The following SLC2A4RG variants were observed in gnomAD, a reference collection of about 807,000 sequenced individuals.
SLC2A4RG encodes the protein SLC2A4 regulator.
A neutral mutation model predicts 35.5 loss-of-function variants in SLC2A4RG; 23 were observed. That is an observed-to-expected ratio of 0.65 (90% CI 0.47 to 0.92). SLC2A4RG has a LOEUF of 0.92. Among genes scored for constraint, SLC2A4RG ranks in the 40% least tolerant of loss-of-function variants. The pLI is 0.00. For synonymous variants in SLC2A4RG, 306 were observed against 243.7 expected (o/e 1.26, Z -2.38); for missense variants, 539 against 525.0 (o/e 1.03, Z -0.26).
intron 2 of SLC2A4RG, 39 bp downstream of exon 2, chr20:63,740,570 C>T: frequency 1.6e-6 from 2 of 1,227,674 alleles, no homozygotes; most frequent in Non-Finnish European, 2.0e-6. Context: ...TCGGTGTGCG[C>T]AGGGGCGGTG....
chr20:63,743,009 C>A lies in SLC2A4RG; in HGVS notation c.*19C>A. On this transcript the variant is annotated 3_prime_UTR_variant, in exon 8 of 8. Coordinates refer to ENST00000266077, the MANE Select transcript of SLC2A4RG (RefSeq NM_020062.4). ...GGACTAAGTCCGGCTCGTTCAAGAA[C>A]ATAAGCTACCACCTTCTCCCTCCCC... is the stretch of plus-strand genomic sequence containing the variant. 1.3e-6 allele frequency: 2 copies of A among 1,580,300 alleles called. No individual in the cohort carries two copies. The highest frequency in any genetic ancestry group is 1.7e-6 in the Non-Finnish European group (2 of 1,160,180).
Position 63,742,967 on chromosome 20 carries a change from G to A in SLC2A4RG, c.1141G>A (p.Ala381Thr), listed in dbSNP as rs201688487. ...LWCTACRWKK[A>T]CQRFLD is the part of the protein sequence containing the mutation. ...GTGCACAGCCTGCCGCTGGAAGAAA[G>A]CCTGCCAGCGGTTCCTGGACTAAGT... The change falls in exon 8 of 8, where the codon GCC (alanine) becomes ACC (threonine). Residue 381 changes from alanine (A) to threonine (T), a missense_variant. Physicochemically the swap from Ala to Thr is moderately conservative, Grantham distance 58 (BLOSUM62 0). Coordinates refer to ENST00000266077, the MANE Select transcript of SLC2A4RG (RefSeq NM_020062.4). 2.5e-6 allele frequency: 4 copies of A among 1,611,502 alleles called. No individual in the cohort carries two copies. Among genetic ancestry groups the A allele is most frequent in the Non-Finnish European group, 2.5e-6 (3 of 1,179,076 alleles).
intron 2 of SLC2A4RG, 144 bp from the exon 3 acceptor site, chr20:63,741,225 GC>G (rs1345518913): frequency 1.4e-6 from 1 of 724,352 alleles, no homozygotes; most frequent in East Asian, 2.7e-5. Flanking sequence ...TGCAACCTGA[GC>G]TGGGGGAGGA....
chr20:63,743,921 G>GAAGT lies in SLC2A4RG; in HGVS notation c.*932_*935dup, dbSNP rs1423894874. Reference sequence around the variant, plus strand: ...AACACAGGTTTATAATAAGTAATAGGAAGTCAATATAATATAGATTATCCC... The same window carrying GAAGT: ...AACACAGGTTTATAATAAGTAATAGGAAGTAAGTCAATATAATATAGATTATCCC... On this transcript the variant is annotated 3_prime_UTR_variant, in exon 8 of 8. Transcript: ENST00000266077. The GAAGT allele has an allele frequency of 6.6e-6, 1 of 152,336 alleles. No individual in the cohort carries two copies. Among genetic ancestry groups the GAAGT allele is most frequent in the East Asian group, 1.9e-4 (1 of 5,320 alleles). 9.4% of individuals were successfully genotyped at this position (152,336 alleles called of 1,614,324 possible).
At position 63,740,434 on chromosome 20, in the gene SLC2A4RG, G is replaced by A. The variant is rs968329425; in HGVS notation, c.184G>A (p.Glu62Lys). The part of the protein sequence containing the change: ...GLEFARPQES[E>K]PRASDLGAPR... The stretch of plus-strand genomic sequence containing the variant: ...GGAGTTCGCGCGGCCGCAGGAGTCG[G>A]AGCCGCGGGCCTCGGACCTGGGGGC... The change falls in exon 2 of 8, where the codon GAG (glutamate) becomes AAG (lysine). Residue 62 changes from glutamate (E) to lysine (K), a missense_variant. By Grantham distance (56) the Glu-to-Lys change is moderately conservative (BLOSUM62 1). Transcript: ENST00000266077. The A allele has an allele frequency of 7.3e-6, 9 of 1,230,686 alleles. No individual in the cohort carries two copies. The African/African-American group carries it at 1.4e-4, about 19-fold the overall frequency. 76.2% of individuals were successfully genotyped at this position (1,230,686 alleles called of 1,614,324 possible). A position where few individuals can be genotyped will look rare whatever the true frequency, so the allele number is the denominator to read the frequency against.
At chr20:63,741,755 T>C (rs2092042732) in intron 3 of SLC2A4RG, 114 bp from the exon 4 acceptor site, 2 of 1,442,832 alleles carry the variant, frequency 1.4e-6, no homozygotes, top group African/African-American at 2.9e-5. Context: ...GGCCAGCTCC[T>C]CCAAGACGCT....
At position 63,742,932 on chromosome 20, in the gene SLC2A4RG, G is replaced by A. The variant is rs765572461; in HGVS notation, c.1106G>A (p.Arg369Gln). 13 of 1,612,310 alleles carry A rather than the reference G, an allele frequency of 8.1e-6. No individual in the cohort carries two copies. The highest frequency in any genetic ancestry group is 2.2e-5 in the East Asian group (1 of 44,874). The change falls in exon 8 of 8, where the codon CGG (arginine) becomes CAG (glutamine). Residue 369 changes from arginine (R) to glutamine (Q), a missense_variant. Transcript: ENST00000266077. ...CGGAAGGTGTATGGCATGGAGCGCC[G>A]GGACCTCTGGTGCACAGCCTGCCGC... ...KCRKVYGMER[R>Q]DLWCTACRWK...
rs982982027 is a variant in SLC2A4RG at position 63,739,823 on chromosome 20, G to T, written c.-90G>T. ...GGCGGCGGCCGGATCCAGGGCGGGGGTCGGCGGCCCGGCCAGCCCGGCCCG... is the reference window on the plus strand; with the variant it reads ...GGCGGCGGCCGGATCCAGGGCGGGGTTCGGCGGCCCGGCCAGCCCGGCCCG... On this transcript the variant is annotated 5_prime_UTR_variant, in exon 1 of 8. Transcript: ENST00000266077. 1 of 976,144 alleles carries T rather than the reference G, an allele frequency of 1.0e-6. No homozygotes were observed. The highest frequency in any genetic ancestry group is 1.2e-6 in the Non-Finnish European group (1 of 825,968). 60.5% of individuals were successfully genotyped at this position (976,144 alleles called of 1,614,324 possible). A position where few individuals can be genotyped will look rare whatever the true frequency, so the allele number is the denominator to read the frequency against.
At chr20:63,741,742 T>C in intron 3 of SLC2A4RG, 127 bp from the exon 4 acceptor site, 8 of 1,436,448 alleles carry the variant, frequency 5.6e-6, no homozygotes, top group Non-Finnish European at 7.3e-6. Flanking sequence ...CCCCAAGCCC[T>C]GGGGCCAGCT....
rs1276937155 is a variant in SLC2A4RG, at chr20:63,739,971, C to T, written c.59C>T (p.Ala20Val). 4.1e-6 allele frequency: 4 copies of T among 980,170 alleles called. No homozygotes were observed. The highest frequency in any genetic ancestry group is 4.8e-6 in the Non-Finnish European group (4 of 828,036). The allele number at this position is 980,170 out of a possible 1,614,324, so 60.7% of individuals were successfully genotyped here. A position where few individuals can be genotyped will look rare whatever the true frequency, so the allele number is the denominator to read the frequency against. Residue 20 changes from alanine to valine, a missense_variant, in exon 1 of 8, where the codon GCG becomes GTG. Coordinates refer to ENST00000266077, the MANE Select transcript of SLC2A4RG (RefSeq NM_020062.4). The part of the protein sequence containing the change: ...GRDPSALRAE[A>V]PWLRAEGPGP... ...GACCCCAGTGCGCTGCGGGCCGAGGCGCCGTGGCTGCGCGCGGAGGGTCCG... is the reference window on the plus strand; with the variant it reads ...GACCCCAGTGCGCTGCGGGCCGAGGTGCCGTGGCTGCGCGCGGAGGGTCCG...
intron 2 of SLC2A4RG, 110 bp from the exon 3 acceptor site, chr20:63,741,260 G>C: frequency 1.0e-6 from 1 of 984,152 alleles, no homozygotes; most frequent in South Asian, 1.4e-5. Flanking sequence ...CCCAGGGCTG[G>C]GAGTGGGGAG....
At position 63,743,134 on chromosome 20, in the gene SLC2A4RG, G is replaced by GCCCCCCC; in HGVS notation, c.*145_*146insCCCCCCC. 3.3e-6 allele frequency: 1 copy of GCCCCCCC among 304,538 alleles called. No homozygotes were observed. Among genetic ancestry groups the GCCCCCCC allele is most frequent in the Non-Finnish European group, 6.5e-6 (1 of 153,028 alleles). 18.9% of individuals were successfully genotyped at this position (304,538 alleles called of 1,614,324 possible). On this transcript the variant is annotated 3_prime_UTR_variant, in exon 8 of 8. Transcript: ENST00000266077. The stretch of plus-strand genomic sequence containing the variant: ...CTTTTACTTGGGGTGGGGGGGCGGG[G>GCCCCCCC]CTGACCCTGAACCCTCCCCCCCGCC...
At chr20:63,741,316 G>A (rs2092040185) in intron 2 of SLC2A4RG, 54 bp from the exon 3 acceptor site, 1 of 1,545,854 alleles carries the variant, frequency 6.5e-7, no homozygotes, top group Non-Finnish European at 8.9e-7. Flanking sequence ...CCGACCAGGG[G>A]AGGGGCCCAG....
intron 3 of SLC2A4RG, 105 bp from the exon 4 acceptor site, chr20:63,741,764 C>A (rs1426001240): frequency 1.4e-6 from 2 of 1,446,462 alleles, no homozygotes; most frequent in Non-Finnish European, 1.8e-6. Context: ...CTCCAAGACG[C>A]TCTGCCCACC....
rs1004502859 is a variant in SLC2A4RG at position 63,742,860 on chromosome 20, C to T, written c.1053-19C>T. 10 of 1,605,530 alleles carry T rather than the reference C, an allele frequency of 6.2e-6. No homozygotes were observed. The highest frequency in any genetic ancestry group is 3.3e-4 in the Middle Eastern group (2 of 6,060). On this transcript the variant is annotated intron_variant, in intron 7 of 7. Coordinates refer to ENST00000266077, the MANE Select transcript of SLC2A4RG (RefSeq NM_020062.4). Reference sequence around the variant, plus strand: ...GTCCTGGTCTCACAGCACCCCATGTCCTGTGACCCCCCGCACAGGAAGCCC... The same window carrying T: ...GTCCTGGTCTCACAGCACCCCATGTTCTGTGACCCCCCGCACAGGAAGCCC...
chr20:63,740,327 C>G, intron 1 of SLC2A4RG, 50 bp from the exon 2 acceptor site: 1 of 1,156,514 alleles, frequency 8.6e-7, no homozygotes, highest in East Asian at 3.3e-5. Context: ...TGAGGGACCC[C>G]CCTCCCCCGG....
chr20:63,740,862 G>A (rs568524681), intron 2 of SLC2A4RG, among the ~76,000 whole-genome samples: 10 of 152,290 alleles, frequency 6.6e-5, no homozygotes, highest in African/African-American at 2.2e-4. Flanking sequence ...CCCCTGCCAG[G>A]CCGGACACCT....
intron 2 of SLC2A4RG, 46 bp downstream of exon 2, chr20:63,740,577 G>T (rs1423024109): frequency 1.2e-5 from 15 of 1,226,442 alleles, no homozygotes; most frequent in Non-Finnish European, 1.5e-5. Context: ...GCGCAGGGGC[G>T]GTGGGTGGGG....
chr20:63,740,336 G>C (rs1601365057), intron 1 of SLC2A4RG, 41 bp from the exon 2 acceptor site: 2 of 1,180,734 alleles, frequency 1.7e-6, no homozygotes. Flanking sequence ...CCCCTCCCCC[G>C]GCCACCGCCT....
Sources: gnomAD v4.1 joint callset for allele counts (sites outside exome capture counted in the v4.1 genomes callset) on GRCh38, gnomAD v4.1.1 for gene constraint, MANE v1.5 for transcripts, NCBI Gene and HGNC (gene_info 2026-07-23, HGNC 2026-07-21) for gene names.